AFG2A: variants seen among roughly 807,000 people sequenced by gnomAD.
AFG2A encodes AAA ATPase AFG2A.
At chr4:123,210,805 C>T in the AFG2A span, among the ~76,000 whole-genome samples, 102 of 152,196 alleles carry the variant, frequency 6.7e-4, no homozygotes, top group Non-Finnish European at 1.1e-3. Flanking sequence ...GACTAGTTGA[C>T]ATTCCCATGT....
At chr4:123,223,827 T>C in the AFG2A span, among the ~76,000 whole-genome samples, 57 of 152,354 alleles carry the variant, frequency 3.7e-4, no homozygotes, top group East Asian at 6.5e-3. Context: ...CCCCTAATAT[T>C]GGATACATGG....
the AFG2A span, among the ~76,000 whole-genome samples, chr4:122,961,034 C>G: frequency 6.6e-6 from 1 of 152,160 alleles, no homozygotes; most frequent in Admixed American, 6.5e-5. Context: ...CATTCAGATG[C>G]TATCATTATA....
chr4:123,126,597 C>T, the AFG2A span, among the ~76,000 whole-genome samples: 2 of 152,102 alleles, frequency 1.3e-5, no homozygotes, highest in African/African-American at 4.8e-5. Flanking sequence ...TGCTTACCTC[C>T]GTGCTGTTCT....
At chr4:123,307,304 C>T in the AFG2A span, among the ~76,000 whole-genome samples, 2 of 152,198 alleles carry the variant, frequency 1.3e-5, no homozygotes, top group Non-Finnish European at 2.9e-5. Flanking sequence ...CTACACCCAG[C>T]TCCATCTGCA....
the AFG2A span, among the ~76,000 whole-genome samples, chr4:123,299,116 A>AGTGTGT: frequency 4.6e-4 from 33 of 72,130 alleles, no homozygotes; most frequent in Admixed American, 2.3e-3. Context: ...TGCATCTGCC[A>AGTGTGT]ATGTGTGTGT....
the AFG2A span, among the ~76,000 whole-genome samples, chr4:123,263,690 A>C: frequency 6.6e-6 from 1 of 152,176 alleles, no homozygotes; most frequent in African/African-American, 2.4e-5. Context: ...GAATAGCCAT[A>C]ATCAAAAAAT....
At chr4:123,126,084 C>G in the AFG2A span, among the ~76,000 whole-genome samples, 1 of 152,182 alleles carries the variant, frequency 6.6e-6, no homozygotes, top group South Asian at 2.1e-4. Flanking sequence ...TGCCCATACC[C>G]CATGCAGCAT....
At chr4:123,132,709 T>C in the AFG2A span, among the ~76,000 whole-genome samples, 1 of 150,620 alleles carries the variant, frequency 6.6e-6, no homozygotes, top group Non-Finnish European at 1.5e-5. Context: ...TTGGCTATTG[T>C]GAATAATGCT....
chr4:123,261,087 C>T, the AFG2A span, among the ~76,000 whole-genome samples: 1 of 152,060 alleles, frequency 6.6e-6, no homozygotes, highest in Non-Finnish European at 1.5e-5. Context: ...CGAAACCATC[C>T]CCCCACCCCA....
At chr4:123,041,038 T>TA in the AFG2A span, among the ~76,000 whole-genome samples, 1 of 151,972 alleles carries the variant, frequency 6.6e-6, no homozygotes, top group African/African-American at 2.4e-5. Context: ...GTCAGTGATG[T>TA]AATGATATTA....
chr4:122,975,089 T>C, the AFG2A span, among the ~76,000 whole-genome samples: 2 of 152,244 alleles, frequency 1.3e-5, no homozygotes, highest in Admixed American at 6.5e-5. Context: ...TTTCTGCTGC[T>C]ATAACAAAAT....
chr4:123,302,174 C>T, the AFG2A span, among the ~76,000 whole-genome samples: 8 of 152,214 alleles, frequency 5.3e-5, no homozygotes, highest in African/African-American at 1.9e-4. Context: ...GAGGTTGAGA[C>T]ACTCTAGACT....
chr4:123,014,716 TC>T, the AFG2A span, among the ~76,000 whole-genome samples: 5 of 152,212 alleles, frequency 3.3e-5, no homozygotes, highest in African/African-American at 4.8e-5. Flanking sequence ...CATGTTTTTT[TC>T]AGATACCTAT....
At chr4:123,216,155 G>A in the AFG2A span, among the ~76,000 whole-genome samples, 1 of 152,096 alleles carries the variant, frequency 6.6e-6, no homozygotes, top group East Asian at 1.9e-4. Context: ...ACAATGTCAT[G>A]AGATTTGACC....
chr4:122,946,283 A>C, the AFG2A span, among the ~76,000 whole-genome samples: 1 of 152,234 alleles, frequency 6.6e-6, no homozygotes, highest in Non-Finnish European at 1.5e-5. Flanking sequence ...TTAGTGTTGG[A>C]GAATCTTAAT....
the AFG2A span, among the ~76,000 whole-genome samples, chr4:122,943,722 T>C: frequency 6.6e-6 from 1 of 152,234 alleles, no homozygotes; most frequent in African/African-American, 2.4e-5. Flanking sequence ...TGCAGTTTCT[T>C]CCTAGTCTCA....
chr4:123,144,832 A>G, the AFG2A span, among the ~76,000 whole-genome samples: 5 of 152,114 alleles, frequency 3.3e-5, no homozygotes, highest in Non-Finnish European at 7.4e-5. Flanking sequence ...TAGTTTATGA[A>G]TAGTTCTGAA....
At chr4:123,201,095 G>A in the AFG2A span, among the ~76,000 whole-genome samples, 25 of 152,164 alleles carry the variant, frequency 1.6e-4, no homozygotes, top group Non-Finnish European at 2.6e-4. Flanking sequence ...TACCAAATCA[G>A]GAAATACTAG....
At chr4:123,000,311 A>C in the AFG2A span, among the ~76,000 whole-genome samples, 52 of 151,192 alleles carry the variant, frequency 3.4e-4, no homozygotes, top group African/African-American at 8.0e-4. Flanking sequence ...TCTCCTGCCT[A>C]ATTGCCCTGG....
Sources: allele counts gnomAD v4.1 joint callset (sites outside exome capture counted in the v4.1 genomes callset), GRCh38; gene constraint gnomAD v4.1.1; transcripts MANE v1.5; gene names NCBI Gene and HGNC (gene_info 2026-07-23, HGNC 2026-07-21).